VRK2: variants seen among roughly 807,000 people sequenced by gnomAD.
VRK2 encodes the protein VRK serine/threonine kinase 2, also known as serine/threonine-protein kinase VRK2.
Under a neutral mutation model 57.6 loss-of-function variants are expected in VRK2, and 60 were observed. The observed-to-expected ratio is 1.04, with a 90% CI of 0.85 to 1.29. The LOEUF (loss-of-function observed/expected upper bound fraction) is 1.29, where lower values mean the gene tolerates loss of function less well. VRK2 is among the 50% of genes most tolerant of loss of function. VRK2 has a pLI of 0.00. For missense variants in VRK2, 705 were observed against 588.1 expected (o/e 1.20, Z -2.06); for synonymous variants, 231 against 199.2 (o/e 1.16, Z -1.35).
chr2:57,986,304 C>T (rs1044657461), intron 1 of VRK2, among the ~76,000 whole-genome samples: 5 of 151,764 alleles, frequency 3.3e-5, no homozygotes, highest in Non-Finnish European at 7.4e-5. Flanking sequence ...ATTCAATATT[C>T]TTTAAATGTC....
At chr2:58,142,324 G>GT (rs779486131) in intron 11 of VRK2, among the ~76,000 whole-genome samples, 8,320 of 141,302 alleles carry the variant, frequency 0.059, 702 homozygotes, top group African/African-American at 0.19. Context: ...AAAAGAAAAA[G>GT]TTTTTTTTTT....
intron 1 of VRK2, among the ~76,000 whole-genome samples, chr2:58,017,697 TC>T (rs1454938301): frequency 1.3e-5 from 2 of 152,222 alleles, no homozygotes; most frequent in African/African-American, 4.8e-5. Flanking sequence ...ATCTTTGCTT[TC>T]CCAAAGCACT....
intron 1 of VRK2, among the ~76,000 whole-genome samples, chr2:57,965,691 T>G (rs1489157841): frequency 6.6e-6 from 1 of 152,166 alleles, no homozygotes; most frequent in Non-Finnish European, 1.5e-5. Flanking sequence ...TGACCTTTAT[T>G]AGACTAACTT....
At chr2:58,156,112 GCTTAC>G (rs1423069617) in intron 12 of VRK2, among the ~76,000 whole-genome samples, 4 of 151,916 alleles carry the variant, frequency 2.6e-5, no homozygotes, top group African/African-American at 9.7e-5. Flanking sequence ...AAGGTGGGAT[GCTTAC>G]TCTTTCTTGT....
rs781556579 is a variant in VRK2 at position 58,159,637 on chromosome 2, C to A, written c.1471C>A (p.Arg491Ser). ...GACAAACGCAGATGTTTATTATTAT[C>A]GCATCATCATACCTGTCCTTTTGAT... The part of the protein sequence containing the change: ...EETNADVYYY[R>S]IIIPVLLMLV... Residue 491 changes from arginine (R) to serine (S), a missense_variant, in exon 13 of 13, where the codon CGC becomes AGC. Coordinates refer to ENST00000340157, the MANE Select transcript of VRK2 (RefSeq NM_006296.7). The A allele has an allele frequency of 5.0e-6, 8 of 1,613,722 alleles. No homozygotes were observed. The Admixed American group carries it at 1.2e-4, about 24-fold the overall frequency.
intron 1 of VRK2, among the ~76,000 whole-genome samples, chr2:57,954,783 G>A (rs886886146): frequency 6.6e-6 from 1 of 151,792 alleles, no homozygotes; most frequent in Non-Finnish European, 1.5e-5. Flanking sequence ...AATATGTAAG[G>A]GTGAATTTAT....
Position 58,007,885 on chromosome 2 carries a change from C to T in VRK2, c.-438-17780C>T, listed in dbSNP as rs1458290785. ...CAACATTTCTAAATGTATGTGCCTC[C>T]AAGAACATAACCTCATAACTCATAA... On this transcript the variant is annotated intron_variant, in intron 1 of 15. Coordinates refer to the VRK2 transcript ENST00000417641. Among the ~76,000 whole-genome samples, 7 of 152,098 alleles carry T rather than the reference C, an allele frequency of 4.6e-5. No individual in the cohort carries two copies. The East Asian group carries it at 5.8e-4, about 13-fold the overall frequency.
intron 9 of VRK2, among the ~76,000 whole-genome samples, chr2:58,134,004 A>G (rs1679599370): frequency 6.6e-6 from 1 of 152,146 alleles, no homozygotes; most frequent in Non-Finnish European, 1.5e-5. Flanking sequence ...CCAGAGAGCA[A>G]TACCCCAAAG....
intron 2 of VRK2, among the ~76,000 whole-genome samples, chr2:58,056,750 G>T (rs909706464): frequency 6.6e-6 from 1 of 152,168 alleles, no homozygotes; most frequent in Non-Finnish European, 1.5e-5. Flanking sequence ...GGTGGCATGT[G>T]ATGCTTTTAT....
intron 2 of VRK2, among the ~76,000 whole-genome samples, chr2:58,064,822 C>G (rs1449231936): frequency 6.6e-6 from 1 of 151,468 alleles, no homozygotes; most frequent in Non-Finnish European, 1.5e-5. Context: ...TTCAAGTATA[C>G]AAGAATTTAT....
At chr2:57,958,427 GTATATACA>G in intron 1 of VRK2, among the ~76,000 whole-genome samples, 1 of 149,928 alleles carries the variant, frequency 6.7e-6, no homozygotes, top group African/African-American at 2.5e-5. Context: ...GTGTGTGTGT[GTATATACA>G]TGTATATATA....
chr2:58,100,258 C>T (rs951178820), intron 7 of VRK2, among the ~76,000 whole-genome samples: 1 of 151,932 alleles, frequency 6.6e-6, no homozygotes, highest in African/African-American at 2.4e-5. Flanking sequence ...ATGGAATGTG[C>T]ACATAATATG....
chr2:58,100,732 C>T (rs192724987), intron 7 of VRK2, among the ~76,000 whole-genome samples: 30 of 151,572 alleles, frequency 2.0e-4, no homozygotes, highest in African/African-American at 7.0e-4. Context: ...TGATAATTTG[C>T]TATATATCTA....
At chr2:57,934,625 G>A (rs931024713) in intron 1 of VRK2, among the ~76,000 whole-genome samples, 3 of 152,090 alleles carry the variant, frequency 2.0e-5, no homozygotes, top group Admixed American at 1.3e-4. Context: ...CCCGATTTGG[G>A]ACATTTTCAG....
chr2:58,022,147 A>T (rs991024666), intron 1 of VRK2, among the ~76,000 whole-genome samples: 1 of 152,176 alleles, frequency 6.6e-6, no homozygotes, highest in South Asian at 2.1e-4. Context: ...CAATTATGTG[A>T]TCTCAATCAT....
At chr2:58,109,451 C>T (rs1341412427) in intron 7 of VRK2, among the ~76,000 whole-genome samples, 1 of 151,844 alleles carries the variant, frequency 6.6e-6, no homozygotes, top group African/African-American at 2.4e-5. Context: ...AAAAAAATAC[C>T]CAAAACTGGG....
intron 1 of VRK2, among the ~76,000 whole-genome samples, chr2:57,979,056 A>T (rs1406800654): frequency 6.6e-6 from 1 of 151,018 alleles, no homozygotes; most frequent in Non-Finnish European, 1.5e-5. Flanking sequence ...TTCTTTATCC[A>T]GTCTATCATT....
intron 1 of VRK2, among the ~76,000 whole-genome samples, chr2:57,968,034 T>TA (rs1671975805): frequency 6.6e-6 from 1 of 151,854 alleles, no homozygotes; most frequent in Admixed American, 6.6e-5. Context: ...ATACATGAGA[T>TA]AAAATTAAAT....
chr2:58,157,178 A>G (rs958976309), intron 12 of VRK2, among the ~76,000 whole-genome samples: 23 of 151,852 alleles, frequency 1.5e-4, no homozygotes, highest in African/African-American at 5.3e-4. Flanking sequence ...GTTTTCTATT[A>G]TTTATTTATG....
Sources: allele counts gnomAD v4.1 joint callset (sites outside exome capture counted in the v4.1 genomes callset), GRCh38; gene constraint gnomAD v4.1.1; transcripts MANE v1.5; gene names NCBI Gene and HGNC (gene_info 2026-07-23, HGNC 2026-07-21).